The following DLC1 variants were observed in gnomAD, a reference collection of about 807,000 sequenced individuals.
The protein encoded by DLC1 is rho GTPase-activating protein 7.
In DLC1, 54 loss-of-function variants were observed where a neutral mutation model predicts 140.3. The ratio of observed to expected loss-of-function variants is 0.38; its 90% CI spans 0.31 to 0.48. The LOEUF is 0.48. DLC1 is among the 20% of genes least tolerant of loss of function. The probability of loss-of-function intolerance (pLI) is 0.96; values close to 1 mark genes in which losing one functional copy is unlikely to be tolerated. For synonymous variants in DLC1, 986 were observed against 728.1 expected, an observed-to-expected ratio of 1.35 and a Z score of -5.70; for missense variants, 2,536 against 1,907.0, an observed-to-expected ratio of 1.33 and a Z score of -6.14.
intron 5 of DLC1, among the ~76,000 whole-genome samples, chr8:13,288,699 A>T (rs1258080712): frequency 1.3e-5 from 2 of 152,212 alleles, no homozygotes; most frequent in African/African-American, 4.8e-5. Flanking sequence ...AGACAACTCA[A>T]CAGGAGAGGC....
chr8:13,305,743 A>G (rs774807003), intron 4 of DLC1, among the ~76,000 whole-genome samples: 1 of 152,180 alleles, frequency 6.6e-6, no homozygotes, highest in African/African-American at 2.4e-5. Context: ...AGGCTGAGGT[A>G]GGAGAATCAC....
chr8:13,124,405 G>A (rs1300157220), intron 5 of DLC1, among the ~76,000 whole-genome samples: 1 of 152,182 alleles, frequency 6.6e-6, no homozygotes, highest in Non-Finnish European at 1.5e-5. Context: ...TGGGAGGAAT[G>A]CAGTCTGGAT....
intron 1 of DLC1, among the ~76,000 whole-genome samples, chr8:13,564,187 CA>C (rs1318095989): frequency 2.0e-5 from 3 of 151,930 alleles, no homozygotes; most frequent in Non-Finnish European, 2.9e-5. Flanking sequence ...ATAATAACAC[CA>C]AAGATGCAGA....
At chr8:13,207,675 T>C (rs972501380) in intron 5 of DLC1, among the ~76,000 whole-genome samples, 1 of 152,172 alleles carries the variant, frequency 6.6e-6, no homozygotes, top group African/African-American at 2.4e-5. Context: ...TGGTTCTCAG[T>C]TGGAGTGATC....
chr8:13,269,023 G>A (rs1830811109), intron 5 of DLC1, among the ~76,000 whole-genome samples: 2 of 151,706 alleles, frequency 1.3e-5, no homozygotes, highest in Admixed American at 6.6e-5. Flanking sequence ...AAAGGCACCC[G>A]CCACCACGCC....
At chr8:13,464,088 C>CG (rs1369646976) in intron 2 of DLC1, among the ~76,000 whole-genome samples, 1 of 151,998 alleles carries the variant, frequency 6.6e-6, no homozygotes. Context: ...GGGCTGAGGC[C>CG]GGGGGAAACC....
intron 1 of DLC1, among the ~76,000 whole-genome samples, chr8:13,539,427 C>T (rs1988611): frequency 0.28 from 42,439 of 151,894 alleles, 6,157 homozygotes; most frequent in South Asian, 0.29. Flanking sequence ...GTCTCAATCT[C>T]CTGACCTCGT....
chr8:13,503,382 T>A (rs1215011153), intron 1 of DLC1, among the ~76,000 whole-genome samples: 1 of 151,962 alleles, frequency 6.6e-6, no homozygotes, highest in Non-Finnish European at 1.5e-5. Context: ...CTTGCCTGGG[T>A]GATAGAGCAA....
chr8:13,429,308 A>T (rs1714129152), intron 2 of DLC1, among the ~76,000 whole-genome samples: 1 of 152,226 alleles, frequency 6.6e-6, no homozygotes. Context: ...AAAACCAGTG[A>T]TGTAGAGCAG....
At chr8:13,250,448 C>A (rs2117281604) in intron 5 of DLC1, among the ~76,000 whole-genome samples, 1 of 152,246 alleles carries the variant, frequency 6.6e-6, no homozygotes, top group East Asian at 1.9e-4. Context: ...AATTTATAAA[C>A]CCTTAAAGGC....
At chr8:13,413,499 C>CAT (rs35967766) in intron 2 of DLC1, among the ~76,000 whole-genome samples, 88 of 149,810 alleles carry the variant, frequency 5.9e-4, no homozygotes, top group African/African-American at 1.4e-3. Context: ...TGTGTGCACA[C>CAT]ATATATATAT....
intron 5 of DLC1, among the ~76,000 whole-genome samples, chr8:13,303,810 AT>A (rs1365562337): frequency 6.6e-6 from 1 of 152,190 alleles, no homozygotes; most frequent in Non-Finnish European, 1.5e-5. Context: ...TCAAAAAAAA[AT>A]ATTAAAAATA....
At chr8:13,189,297 T>C (rs929131053) in intron 5 of DLC1, among the ~76,000 whole-genome samples, 5 of 152,124 alleles carry the variant, frequency 3.3e-5, no homozygotes, top group African/African-American at 1.2e-4. Flanking sequence ...TTTGCACCAA[T>C]ACAAGTGGAA....
At chr8:13,583,226 T>A (rs562794144) in intron 1 of DLC1, among the ~76,000 whole-genome samples, 1 of 152,222 alleles carries the variant, frequency 6.6e-6, no homozygotes, top group South Asian at 2.1e-4. Flanking sequence ...AAAGGGGAAC[T>A]GTTTTCAAAC....
At chr8:13,167,776 A>G (rs1042636224) in intron 5 of DLC1, among the ~76,000 whole-genome samples, 1 of 152,236 alleles carries the variant, frequency 6.6e-6, no homozygotes, top group African/African-American at 2.4e-5. Context: ...TGCAAATGGC[A>G]TTACCTGCAT....
Position 13,401,638 on chromosome 8 carries a change from TG to T in DLC1, c.1024-20del, listed in dbSNP as rs749025741. 2.5e-6 allele frequency: 4 copies of T among 1,600,828 alleles called. No individual in the cohort carries two copies. The highest frequency in any genetic ancestry group is 3.4e-6 in the Non-Finnish European group (4 of 1,173,666). On this transcript the variant is annotated intron_variant, in intron 2 of 17. Coordinates refer to ENST00000276297, the MANE Select transcript of DLC1 (RefSeq NM_182643.3). The stretch of plus-strand genomic sequence containing the variant: ...TTATTTCCTGAGGAACAGAACATTT[TG>T]TTACTGAATCTGAAAGGCCATTTCT...
intron 2 of DLC1, among the ~76,000 whole-genome samples, chr8:13,477,074 G>A (rs572229271): frequency 4.6e-5 from 7 of 152,240 alleles, no homozygotes; most frequent in East Asian, 1.9e-4. Flanking sequence ...TCACCCATCC[G>A]TCTGCTAGAC....
At chr8:13,188,080 A>ATT (rs34182663) in intron 5 of DLC1, among the ~76,000 whole-genome samples, 11 of 119,148 alleles carry the variant, frequency 9.2e-5, no homozygotes, top group Non-Finnish European at 1.5e-4. Context: ...AACAGTGGCA[A>ATT]TTTTTTTTTT....
intron 5 of DLC1, among the ~76,000 whole-genome samples, chr8:13,183,789 T>C (rs1043262988): frequency 5.3e-5 from 8 of 152,180 alleles, no homozygotes; most frequent in African/African-American, 1.4e-4. Flanking sequence ...TTTTTTGTTG[T>C]GTCTCTGCCA....
Sources: allele counts gnomAD v4.1 joint callset (sites outside exome capture counted in the v4.1 genomes callset), GRCh38; gene constraint gnomAD v4.1.1; transcripts MANE v1.5; gene names NCBI Gene and HGNC (gene_info 2026-07-23, HGNC 2026-07-21).